Variants in XPR1 observed in about 807,000 individuals in gnomAD.
XPR1 encodes the protein xenotropic and polytropic retrovirus receptor 1.
XPR1 carries 28 observed loss-of-function variants against 87.5 expected under a neutral mutation model. The ratio of observed to expected loss-of-function variants is 0.32; its 90% CI spans 0.24 to 0.44. XPR1 has a LOEUF of 0.44. Among genes scored for constraint, XPR1 ranks in the 20% least tolerant of loss-of-function variants. XPR1 has a pLI of 1.00. For synonymous variants in XPR1, 300 were observed against 306.1 expected (o/e 0.98, Z 0.21); for missense variants, 559 against 862.3 (o/e 0.65, Z 4.41).
intron 1 of XPR1, among the ~76,000 whole-genome samples, chr1:180,680,998 C>A (rs1364540096): frequency 6.6e-6 from 1 of 152,024 alleles, no homozygotes; most frequent in Non-Finnish European, 1.5e-5. Flanking sequence ...TATGTGGAAC[C>A]TAAGAATAGT....
chr1:180,807,941 T>G (rs1207122984), intron 6 of XPR1, among the ~76,000 whole-genome samples: 1 of 151,992 alleles, frequency 6.6e-6, no homozygotes, highest in Non-Finnish European at 1.5e-5. Context: ...GAGGTGGAGG[T>G]TGCAGTGAGC....
chr1:180,847,717 A>G (rs1371303820), intron 11 of XPR1, among the ~76,000 whole-genome samples: 1 of 152,204 alleles, frequency 6.6e-6, no homozygotes, highest in African/African-American at 2.4e-5. Flanking sequence ...TAAAATAATT[A>G]TGAGTAAATG....
chr1:180,710,888 C>G (rs1657751638), intron 2 of XPR1, among the ~76,000 whole-genome samples: 3 of 151,886 alleles, frequency 2.0e-5, no homozygotes, highest in Non-Finnish European at 2.9e-5. Flanking sequence ...CCCCCCACCT[C>G]CCAGACGGGG....
At chr1:180,711,213 G>A (rs111687917) in intron 2 of XPR1, among the ~76,000 whole-genome samples, 6,309 of 152,048 alleles carry the variant, frequency 0.041, 372 homozygotes, top group African/African-American at 0.14. Context: ...AGACAGGGTG[G>A]CGGCCGGGCA....
chr1:180,827,177 A>AG (rs1553252028), intron 9 of XPR1, among the ~76,000 whole-genome samples: 26 of 136,828 alleles, frequency 1.9e-4, no homozygotes, highest in African/African-American at 5.1e-4. Context: ...AAAAAAAAAA[A>AG]GGGGGTCTCC....
At chr1:180,659,369 GTCCGTCCTTCCGTCCTTCCTTCCTTCCT>G (rs1655673960) in intron 1 of XPR1, among the ~76,000 whole-genome samples, 2 of 60,568 alleles carry the variant, frequency 3.3e-5, no homozygotes, top group African/African-American at 7.4e-5. Context: ...CCGTCCTTCC[GTCCGTCCTTCCGTCCTTCCTTCCTTCCT>G]TCCTTCCTTC....
chr1:180,643,183 G>T (rs1268965875), intron 1 of XPR1, among the ~76,000 whole-genome samples: 3 of 152,156 alleles, frequency 2.0e-5, no homozygotes, highest in Non-Finnish European at 4.4e-5. Flanking sequence ...GATCTTGGAG[G>T]ATACTTTGGA....
chr1:180,844,472 A>C (rs1208827034), intron 11 of XPR1, among the ~76,000 whole-genome samples: 1 of 152,198 alleles, frequency 6.6e-6, no homozygotes, highest in Non-Finnish European at 1.5e-5. Flanking sequence ...GTTCCTGCTA[A>C]GTATATGGTA....
rs868213645 is a variant in XPR1 at position 180,678,741 on chromosome 1, G to A, written c.70-3619G>A. 9.2e-5 allele frequency among the ~76,000 whole-genome samples: 14 copies of A among 152,140 alleles called. 1 individual carries two copies. Among genetic ancestry groups the A allele is most frequent in the African/African-American group, 2.9e-4 (12 of 41,416 alleles). On this transcript the variant is annotated intron_variant, in intron 1 of 14. Transcript: ENST00000367590. ...TACTGTATATTATTAGGCCTGGTTAGTCATGGATCTGACAGTTTGGCCACT... is the reference window on the plus strand; with the variant it reads ...TACTGTATATTATTAGGCCTGGTTAATCATGGATCTGACAGTTTGGCCACT...
At chr1:180,791,320 G>A (rs904697300) in intron 3 of XPR1, among the ~76,000 whole-genome samples, 1 of 152,146 alleles carries the variant, frequency 6.6e-6, no homozygotes, top group African/African-American at 2.4e-5. Flanking sequence ...TGTCCAGGCT[G>A]GAGTGCAGTG....
intron 3 of XPR1, among the ~76,000 whole-genome samples, chr1:180,803,142 C>G (rs765864468): frequency 6.6e-6 from 1 of 152,154 alleles, no homozygotes; most frequent in Non-Finnish European, 1.5e-5. Flanking sequence ...TGCGTTTTCA[C>G]TCTTAGTGGC....
intron 3 of XPR1, among the ~76,000 whole-genome samples, chr1:180,802,890 A>C (rs533451494): frequency 6.6e-6 from 1 of 152,230 alleles, no homozygotes; most frequent in South Asian, 2.1e-4. Context: ...TTGTGTGTTT[A>C]TATAGACACA....
At chr1:180,804,558 C>G (rs1182551878) in intron 4 of XPR1, among the ~76,000 whole-genome samples, 1 of 151,920 alleles carries the variant, frequency 6.6e-6, no homozygotes, top group East Asian at 1.9e-4. Flanking sequence ...TTAGGATCAT[C>G]ATAGGATGAT....
intron 2 of XPR1, among the ~76,000 whole-genome samples, chr1:180,704,245 G>GATATATATAT (rs35751561): frequency 0.11 from 7,051 of 65,612 alleles, 722 homozygotes; most frequent in Non-Finnish European, 0.12. Flanking sequence ...ATAGGTGCTG[G>GATATATATAT]ATATATATAT....
intron 11 of XPR1, among the ~76,000 whole-genome samples, chr1:180,839,904 T>C (rs1262402634): frequency 6.6e-6 from 1 of 152,204 alleles, no homozygotes; most frequent in Admixed American, 6.5e-5. Flanking sequence ...GTCTTCTCCA[T>C]TGATAAGCGT....
chr1:180,842,346 C>T (rs3789369), intron 11 of XPR1, among the ~76,000 whole-genome samples: 47,423 of 151,692 alleles, frequency 0.31, 8,103 homozygotes, highest in Non-Finnish European at 0.38. Flanking sequence ...AAGAGTAAAC[C>T]GTGTGTCTAG....
chr1:180,862,244 C>G lies in XPR1; in HGVS notation c.1502-1464C>G, dbSNP rs545665424. Among the ~76,000 whole-genome samples, 3 of 152,110 alleles carry G rather than the reference C, an allele frequency of 2.0e-5. No homozygotes were observed. In the South Asian group the frequency reaches 6.2e-4, roughly 32 times the overall value. ...CCAGTTGTTTTTCTAAAATACAGAT[C>G]TGATCCTAAAGCCCACGAAGGCGTT... On this transcript the variant is annotated intron_variant, in intron 11 of 14. Coordinates refer to ENST00000367590, the MANE Select transcript of XPR1 (RefSeq NM_004736.4).
At chr1:180,683,363 T>C (rs1463021552) in intron 2 of XPR1, among the ~76,000 whole-genome samples, 3 of 140,080 alleles carry the variant, frequency 2.1e-5, no homozygotes, top group African/African-American at 3.3e-5. Context: ...TCCAGTCTAT[T>C]GTTGTTGGAC....
At chr1:180,777,817 ATTTAATT>A (rs1189040964) in intron 2 of XPR1, among the ~76,000 whole-genome samples, 1 of 152,206 alleles carries the variant, frequency 6.6e-6, no homozygotes, top group African/African-American at 2.4e-5. Context: ...ATGGTCATAT[ATTTAATT>A]TTTATTTATC....
Sources: allele counts gnomAD v4.1 joint callset (sites outside exome capture counted in the v4.1 genomes callset), GRCh38; gene constraint gnomAD v4.1.1; transcripts MANE v1.5; gene names NCBI Gene and HGNC (gene_info 2026-07-23, HGNC 2026-07-21).